The following CHL1 variants were observed in gnomAD, a reference collection of about 807,000 sequenced individuals.
The protein encoded by CHL1 is neural cell adhesion molecule L1-like protein.
CHL1 carries 96 observed loss-of-function variants against 141.9 expected under a neutral mutation model. That is an observed-to-expected ratio of 0.68 (90% confidence interval 0.57 to 0.80). The LOEUF (loss-of-function observed/expected upper bound fraction) is 0.80, where lower values mean the gene tolerates loss of function less well. Among genes scored for constraint, CHL1 ranks in the 30% least tolerant of loss-of-function variants. CHL1 has a pLI of 0.00. For synonymous variants in CHL1, 613 were observed against 502.2 expected, an observed-to-expected ratio of 1.22 and a Z score of -2.95; for missense variants, 1,820 against 1,457.2, an observed-to-expected ratio of 1.25 and a Z score of -4.05.
chr3:225,882 A>G (rs551989985), intron 1 of CHL1, among the ~76,000 whole-genome samples: 146 of 151,722 alleles, frequency 9.6e-4, no homozygotes, highest in Non-Finnish European at 1.8e-3. Flanking sequence ...GGTGGCAGGC[A>G]CCTGTAGTCC....
At chr3:396,290 A>G (rs909989703) in intron 24 of CHL1, among the ~76,000 whole-genome samples, 7 of 152,200 alleles carry the variant, frequency 4.6e-5, no homozygotes, top group African/African-American at 1.4e-4. Flanking sequence ...CAAGTGTCCA[A>G]TACAAAGAGA....
intron 15 of CHL1, 75 bp downstream of exon 15, chr3:366,190 G>C: frequency 2.8e-6 from 4 of 1,437,934 alleles, no homozygotes; most frequent in Non-Finnish European, 3.9e-6. Context: ...AAAGTTCTAG[G>C]TCGGGCATGC....
intron 2 of CHL1, among the ~76,000 whole-genome samples, chr3:283,581 A>G (rs1696851156): frequency 6.6e-6 from 1 of 152,230 alleles, no homozygotes; most frequent in African/African-American, 2.4e-5. Context: ...ATGTTAGCAT[A>G]TGATAGTTGT....
intron 11 of CHL1, among the ~76,000 whole-genome samples, chr3:358,722 T>A (rs1168551432): frequency 2.0e-5 from 3 of 151,890 alleles, no homozygotes; most frequent in Non-Finnish European, 4.4e-5. Context: ...AAATCTTCAT[T>A]TGTGACTCCT....
chr3:364,637 CT>C (rs375028577), intron 14 of CHL1, among the ~76,000 whole-genome samples: 38 of 148,350 alleles, frequency 2.6e-4, no homozygotes, highest in East Asian at 2.4e-3. Context: ...ATTAAGGACA[CT>C]TTTTTTTTTA....
In CHL1 at chr3:383,906, T is replaced by C; in HGVS notation, c.2247+20T>C. ...TGGGAGGTGTGTATTTCTTAATACG[T>C]TATGTATTTCTTTGTGCTTTTCTCT... On this transcript the variant is annotated intron_variant, in intron 19 of 27. Transcript: ENST00000256509. The C allele has an allele frequency of 6.4e-7, 1 of 1,552,316 alleles. No individual in the cohort carries two copies. The highest frequency in any genetic ancestry group is 1.4e-5 in the African/African-American group (1 of 73,884).
In CHL1 at chr3:341,881, C is replaced by T. The variant is rs373118224; in HGVS notation, c.509-31C>T. On this transcript the variant is annotated intron_variant, in intron 6 of 27. Coordinates refer to ENST00000256509, the MANE Select transcript of CHL1 (RefSeq NM_006614.4). ...GATGAAGCACAGTAAGGGACAATTG[C>T]CCTTTTCAATGGCAAGATATCTCTT... The T allele has an allele frequency of 3.8e-4, 577 of 1,529,446 alleles. 6 individuals carry two copies. In the South Asian group the frequency reaches 6.6e-3, roughly 18 times the overall value. 94.7% of individuals were successfully genotyped at this position (1,529,446 alleles called of 1,614,324 possible).
chr3:381,996 T>C (rs2125393284), intron 16 of CHL1, among the ~76,000 whole-genome samples, 183 bp from the exon 17 acceptor site: 1 of 140,172 alleles, frequency 7.1e-6, no homozygotes, highest in Non-Finnish European at 1.5e-5. Context: ...GCTAGCTAGG[T>C]GCCTGAATTA....
chr3:318,483 A>G (rs903751685), intron 2 of CHL1, among the ~76,000 whole-genome samples: 2 of 151,862 alleles, frequency 1.3e-5, no homozygotes, highest in South Asian at 2.1e-4. Flanking sequence ...GCAAGAATAC[A>G]TGATAGACAA....
chr3:261,361 TAAAG>T (rs1040468513), intron 2 of CHL1, among the ~76,000 whole-genome samples: 35 of 151,348 alleles, frequency 2.3e-4, no homozygotes, highest in African/African-American at 7.5e-4. Context: ...AAGAGAAAAA[TAAAG>T]GAAGGAAGGA....
chr3:278,001 T>C (rs1696308233), intron 2 of CHL1, among the ~76,000 whole-genome samples: 1 of 152,210 alleles, frequency 6.6e-6, no homozygotes, highest in Non-Finnish European at 1.5e-5. Context: ...GGCAGGAATG[T>C]GGAGTGTGTT....
intron 2 of CHL1, among the ~76,000 whole-genome samples, chr3:286,819 T>C (rs140222121): frequency 3.3e-4 from 50 of 152,250 alleles, no homozygotes; most frequent in African/African-American, 1.1e-3. Context: ...TTAGACCATA[T>C]AAGGTAACTT....
rs113241721 is a variant in CHL1 at position 352,972 on chromosome 3, G to A, written c.1034-1668G>A. Among the ~76,000 whole-genome samples, 9 of 152,282 alleles carry A rather than the reference G, an allele frequency of 5.9e-5. No individual in the cohort carries two copies. In the East Asian group the frequency reaches 1.5e-3, roughly 26 times the overall value. On this transcript the variant is annotated intron_variant, in intron 10 of 27. Transcript: ENST00000256509. ...TAAATGCTGCTCATCCATAGTTGCT[G>A]TGTATTTATCTGTGGAATGGCGAGA...
At chr3:206,751 C>T (rs1699479247) in intron 1 of CHL1, among the ~76,000 whole-genome samples, 2 of 152,098 alleles carry the variant, frequency 1.3e-5, no homozygotes, top group Admixed American at 1.3e-4. Context: ...TCTTCCTGTA[C>T]CAGACCCTGG....
chr3:276,887 TC>T (rs1397418918), intron 2 of CHL1, among the ~76,000 whole-genome samples: 28 of 72,922 alleles, frequency 3.8e-4, no homozygotes, highest in African/African-American at 1.2e-3. Context: ...AGACTCCGTC[TC>T]CTAAAAAAAA....
At chr3:200,340 C>T (rs893251939) in intron 1 of CHL1, among the ~76,000 whole-genome samples, 2 of 152,056 alleles carry the variant, frequency 1.3e-5, no homozygotes, top group Non-Finnish European at 2.9e-5. Context: ...GTGTTGAGTT[C>T]TGAATTTGGG....
chr3:288,141 TGA>T (rs1697341203), intron 2 of CHL1, among the ~76,000 whole-genome samples: 1 of 152,192 alleles, frequency 6.6e-6, no homozygotes, highest in Non-Finnish European at 1.5e-5. Context: ...GAATACAGGA[TGA>T]AACAAAGCTA....
At chr3:199,619 A>G (rs1409970788) in intron 1 of CHL1, among the ~76,000 whole-genome samples, 2 of 152,220 alleles carry the variant, frequency 1.3e-5, no homozygotes, top group African/African-American at 4.8e-5. Flanking sequence ...TCATTTGATT[A>G]TTAAAATATA....
chr3:200,071 G>C (rs1320870665), intron 1 of CHL1, among the ~76,000 whole-genome samples: 1 of 152,170 alleles, frequency 6.6e-6, no homozygotes, highest in Non-Finnish European at 1.5e-5. Flanking sequence ...TAGTGTGACA[G>C]CTTCTCTGAA....
Sources: allele counts gnomAD v4.1 joint callset (sites outside exome capture counted in the v4.1 genomes callset), GRCh38; gene constraint gnomAD v4.1.1; transcripts MANE v1.5; gene names NCBI Gene and HGNC (gene_info 2026-07-23, HGNC 2026-07-21).